The following LIMCH1 variants were observed in gnomAD, a reference collection of about 807,000 sequenced individuals.
The protein encoded by LIMCH1 is LIM and calponin homology domains-containing protein 1.
A neutral mutation model predicts 176.5 loss-of-function variants in LIMCH1; 113 were observed. The observed-to-expected ratio is 0.64, with a 90% CI of 0.55 to 0.75. LIMCH1 has a LOEUF of 0.75. Among genes scored for constraint, LIMCH1 ranks in the 30% least tolerant of loss-of-function variants. LIMCH1 has a pLI of 0.00. For missense variants in LIMCH1, 1,674 were observed against 1,814.9 expected (o/e 0.92, Z 1.41); for synonymous variants, 619 against 645.9 (o/e 0.96, Z 0.63).
chr4:41,441,576 GCATGGGATTTGGAAAACAAATTA>G (rs2062707552), intron 1 of LIMCH1, among the ~76,000 whole-genome samples: 1 of 152,036 alleles, frequency 6.6e-6, no homozygotes, highest in African/African-American at 2.4e-5. Context: ...TCTAAAATAT[GCATGGGATTTGGAAAACAAATTA>G]GAAACAGGAT....
intron 1 of LIMCH1, among the ~76,000 whole-genome samples, chr4:41,422,257 G>A (rs1040444239): frequency 2.0e-5 from 3 of 151,720 alleles, no homozygotes; most frequent in Non-Finnish European, 2.9e-5. Context: ...GAGTGATCTC[G>A]GCTCACTGCA....
chr4:41,672,168 G>A (rs1489340274), intron 22 of LIMCH1, among the ~76,000 whole-genome samples: 2 of 152,008 alleles, frequency 1.3e-5, no homozygotes, highest in African/African-American at 4.8e-5. Flanking sequence ...TCAGGAGTTC[G>A]AGACCAACCT....
At chr4:41,424,528 A>G (rs1581942508) in intron 1 of LIMCH1, among the ~76,000 whole-genome samples, 1 of 152,232 alleles carries the variant, frequency 6.6e-6, no homozygotes, top group Non-Finnish European at 1.5e-5. Flanking sequence ...TACAGTGCAG[A>G]TAGCATGTAT....
chr4:41,642,308 G>T (rs930032851), intron 14 of LIMCH1, among the ~76,000 whole-genome samples: 1 of 128,574 alleles, frequency 7.8e-6, no homozygotes, highest in African/African-American at 2.9e-5. Context: ...TATTTTAAAA[G>T]TAAGATTTTT....
chr4:41,605,663 A>G (rs11942246), intron 3 of LIMCH1, among the ~76,000 whole-genome samples: 87,325 of 152,108 alleles, frequency 0.57, 29,104 homozygotes, highest in Non-Finnish European at 0.72. Context: ...AACTTTCCCT[A>G]ACGCTGGAGT....
At chr4:41,388,210 C>A (rs749695704) in intron 1 of LIMCH1, among the ~76,000 whole-genome samples, 51 of 152,166 alleles carry the variant, frequency 3.4e-4, no homozygotes, top group Non-Finnish European at 5.6e-4. Context: ...ATGAATGTTC[C>A]TAGAAGCATT....
At position 41,661,482 on chromosome 4, in the gene LIMCH1, A is replaced by G; in HGVS notation, c.3099A>G (p.Arg1033=). ...ACAAGAATGATGGTGGAAAATCAAG[A>G]AAAGGGAATATAGAACTTGCCTCAT... ...QEDKNDGGKS[R]KGNIELASSE... The change falls in exon 19 of 32, where the codon AGA becomes AGG. Residue 1033 remains arginine, a synonymous_variant. Transcript: ENST00000503057. 1 of 1,612,746 alleles carries G rather than the reference A, an allele frequency of 6.2e-7. No individual in the cohort carries two copies. The highest frequency in any genetic ancestry group is 8.5e-7 in the Non-Finnish European group (1 of 1,179,040).
chr4:41,595,840 T>A (rs894893536), intron 1 of LIMCH1, among the ~76,000 whole-genome samples: 30 of 152,042 alleles, frequency 2.0e-4, no homozygotes, highest in African/African-American at 7.0e-4. Context: ...GGCAGATCAC[T>A]TGAGCTCGAG....
chr4:41,687,138 G>T (rs1585970827), intron 28 of LIMCH1, among the ~76,000 whole-genome samples: 1 of 152,068 alleles, frequency 6.6e-6, no homozygotes, highest in East Asian at 1.9e-4. Context: ...TCTTTCCCTT[G>T]TTCTTTTCTG....
At chr4:41,601,290 T>C (rs924866260) in intron 2 of LIMCH1, among the ~76,000 whole-genome samples, 1 of 152,138 alleles carries the variant, frequency 6.6e-6, no homozygotes, top group Non-Finnish European at 1.5e-5. Flanking sequence ...CAGGAAGTGA[T>C]AAGTGCTGAG....
intron 31 of LIMCH1, among the ~76,000 whole-genome samples, chr4:41,694,635 T>C (rs1408169999): frequency 6.6e-6 from 1 of 152,198 alleles, no homozygotes; most frequent in Non-Finnish European, 1.5e-5. Context: ...GGACTTATAA[T>C]TTAAAACTAA....
At chr4:41,664,919 A>G (rs1256662864) in intron 20 of LIMCH1, among the ~76,000 whole-genome samples, 1 of 152,220 alleles carries the variant, frequency 6.6e-6, no homozygotes, top group Non-Finnish European at 1.5e-5. Flanking sequence ...TAAAATACAC[A>G]GGATTACCAA....
chr4:41,612,883 A>G (rs867883077), intron 4 of LIMCH1: 2 of 1,387,974 alleles, frequency 1.4e-6, no homozygotes, highest in Middle Eastern at 1.9e-4. Flanking sequence ...CTTTTGCCTC[A>G]GAAAGACAGC....
chr4:41,622,375 A>G (rs2092647756), intron 7 of LIMCH1, among the ~76,000 whole-genome samples: 1 of 152,204 alleles, frequency 6.6e-6, no homozygotes, highest in South Asian at 2.1e-4. Context: ...TAAGTGATAC[A>G]GATAAGAATA....
At chr4:41,392,130 T>C (rs1363269928) in intron 1 of LIMCH1, among the ~76,000 whole-genome samples, 2 of 152,192 alleles carry the variant, frequency 1.3e-5, no homozygotes, top group Non-Finnish European at 2.9e-5. Flanking sequence ...GTTTTCTTAA[T>C]AGGTATTTAA....
chr4:41,595,931 T>C (rs2088679710), intron 1 of LIMCH1, among the ~76,000 whole-genome samples: 1 of 151,602 alleles, frequency 6.6e-6, no homozygotes, highest in South Asian at 2.1e-4. Context: ...ATGCCTGTGG[T>C]CCCAGCTACT....
At chr4:41,662,783 T>C (rs1303857199) in intron 19 of LIMCH1, 38 bp from the exon 20 acceptor site, 2 of 1,609,598 alleles carry the variant, frequency 1.2e-6, no homozygotes, top group Non-Finnish European at 1.7e-6. Flanking sequence ...TTGATTTTCT[T>C]TTCCTTCTGT....
chr4:41,641,659 A>T (rs1455406082), intron 14 of LIMCH1, among the ~76,000 whole-genome samples: 1 of 152,248 alleles, frequency 6.6e-6, no homozygotes, highest in Non-Finnish European at 1.5e-5. Context: ...TTATACATAT[A>T]GACTGGAGGT....
chr4:41,656,781 G>A (rs538064809), intron 18 of LIMCH1, among the ~76,000 whole-genome samples: 9 of 152,244 alleles, frequency 5.9e-5, no homozygotes, highest in Non-Finnish European at 7.4e-5. Flanking sequence ...TCACAGAACC[G>A]TTGCTCGGGA....
Sources: gnomAD v4.1 joint callset for allele counts (sites outside exome capture counted in the v4.1 genomes callset) on GRCh38, gnomAD v4.1.1 for gene constraint, MANE v1.5 for transcripts, NCBI Gene and HGNC (gene_info 2026-07-23, HGNC 2026-07-21) for gene names.